KIAA0586: variants seen among roughly 807,000 people sequenced by gnomAD.
KIAA0586 encodes KIAA0586.
Under a neutral mutation model 169.8 loss-of-function variants are expected in KIAA0586, and 144 were observed. That is an observed-to-expected ratio of 0.85 (90% CI 0.74 to 0.97). KIAA0586 has a LOEUF of 0.97. KIAA0586 is among the 50% of genes least tolerant of loss of function. The pLI, the probability that KIAA0586 is intolerant of heterozygous loss-of-function variation, is 0.00. For missense variants in KIAA0586, 1,854 were observed against 1,823.0 expected (o/e 1.02, Z -0.31); for synonymous variants, 625 against 612.4 (o/e 1.02, Z -0.30).
intron 29 of KIAA0586, among the ~76,000 whole-genome samples, chr14:58,533,037 T>G (rs1418026279): frequency 6.6e-6 from 1 of 152,210 alleles, no homozygotes; most frequent in African/African-American, 2.4e-5. Context: ...AGGAGCACTT[T>G]TTTCTTGGGA....
intron 29 of KIAA0586, among the ~76,000 whole-genome samples, chr14:58,513,476 T>C (rs1172580640): frequency 6.6e-6 from 1 of 152,024 alleles, no homozygotes. Flanking sequence ...GAGGAAGTGC[T>C]CAAGATAGTA....
At chr14:58,499,345 C>T (rs376995542) in intron 27 of KIAA0586, among the ~76,000 whole-genome samples, 48 of 151,270 alleles carry the variant, frequency 3.2e-4, no homozygotes, top group Middle Eastern at 3.5e-3. Flanking sequence ...CTCTGCCTCC[C>T]GAGTTCACCC....
At chr14:58,472,058 A>G (rs1255646422) in intron 17 of KIAA0586, 141 bp from the exon 18 acceptor site, 8 of 400,698 alleles carry the variant, frequency 2.0e-5, no homozygotes, top group Non-Finnish European at 3.6e-5. Context: ...TACTAATTAA[A>G]TCAATTCTGA....
intron 18 of KIAA0586, among the ~76,000 whole-genome samples, chr14:58,473,307 A>G (rs2041365690): frequency 6.6e-6 from 1 of 152,152 alleles, no homozygotes; most frequent in Admixed American, 6.5e-5. Flanking sequence ...ATTGACCATA[A>G]GTTGATAATT....
At chr14:58,446,513 G>A (rs994439603) in intron 6 of KIAA0586, among the ~76,000 whole-genome samples, 2 of 151,288 alleles carry the variant, frequency 1.3e-5, no homozygotes, top group African/African-American at 4.9e-5. Flanking sequence ...AACAACAAAT[G>A]TATATATATG....
At chr14:58,501,160 A>G (rs2043542137) in intron 27 of KIAA0586, among the ~76,000 whole-genome samples, 1 of 152,250 alleles carries the variant, frequency 6.6e-6, no homozygotes, top group Non-Finnish European at 1.5e-5. Context: ...CAGAAATCAG[A>G]AAAGGAAAAG....
chr14:58,545,678 TAAG>T (rs2046935606), intron 30 of KIAA0586, among the ~76,000 whole-genome samples: 2 of 152,300 alleles, frequency 1.3e-5, no homozygotes, highest in South Asian at 4.1e-4. Flanking sequence ...TTGTAAAATA[TAAG>T]AATGTTTAAA....
intron 8 of KIAA0586, among the ~76,000 whole-genome samples, chr14:58,451,178 G>T (rs1447387088): frequency 2.6e-5 from 4 of 151,370 alleles, no homozygotes; most frequent in African/African-American, 9.7e-5. Context: ...TTTAGTAAAG[G>T]CGGGGTTTCA....
intron 8 of KIAA0586, among the ~76,000 whole-genome samples, chr14:58,451,001 T>C (rs1177722238): frequency 6.7e-6 from 1 of 149,262 alleles, no homozygotes; most frequent in Non-Finnish European, 1.5e-5. Context: ...TTTTTTTTTT[T>C]TTTCTGAGAC....
At chr14:58,449,534 C>G (rs2039178031) in intron 7 of KIAA0586, among the ~76,000 whole-genome samples, 1 of 151,856 alleles carries the variant, frequency 6.6e-6, no homozygotes, top group African/African-American at 2.4e-5. Flanking sequence ...GTTTCAAAAA[C>G]AAAAAAACAA....
chr14:58,450,677 G>C lies in KIAA0586; in HGVS notation c.1060G>C (p.Asp354His). ...RRFAPVPVSRDDELSKRENLL... is the reference protein window; with the variant it reads ...RRFAPVPVSRHDELSKRENLL... ...ATTTGCTCCTGTACCTGTTTCAAGG[G>C]ATGATGAACTATCAAAGAGGGAAAA... is the stretch of plus-strand genomic sequence containing the variant. Residue 354 changes from aspartate (D) to histidine (H), a missense_variant, in exon 8 of 31, where the codon GAT becomes CAT. Coordinates refer to ENST00000652326, the MANE Select transcript of KIAA0586 (RefSeq NM_001329943.3). 6.2e-7 allele frequency: 1 copy of C among 1,609,034 alleles called. No individual in the cohort carries two copies. The highest frequency in any genetic ancestry group is 1.3e-5 in the African/African-American group (1 of 74,924).
chr14:58,432,592 G>A, intron 4 of KIAA0586, 135 bp downstream of exon 4: 1 of 525,710 alleles, frequency 1.9e-6, no homozygotes, highest in East Asian at 3.4e-5. Context: ...TTCTCATGGT[G>A]CTAGACACGT....
intron 29 of KIAA0586, among the ~76,000 whole-genome samples, chr14:58,531,683 G>GTA (rs2045977969): frequency 6.6e-6 from 1 of 152,116 alleles, no homozygotes; most frequent in African/African-American, 2.4e-5. Context: ...CCTTTACTGG[G>GTA]TATATACCCA....
chr14:58,492,020 C>A (rs2042863535), intron 25 of KIAA0586, 124 bp from the exon 26 acceptor site: 3 of 692,792 alleles, frequency 4.3e-6, no homozygotes. Flanking sequence ...AAGAGTTCAT[C>A]TCCTTTCCAA....
At chr14:58,556,433 T>C in the KIAA0586 span, among the ~76,000 whole-genome samples, 9 of 152,242 alleles carry the variant, frequency 5.9e-5, no homozygotes, top group African/African-American at 2.2e-4. Context: ...ATAATTTATA[T>C]AGTGAAGTAC....
intron 27 of KIAA0586, 114 bp downstream of exon 27, chr14:58,499,074 T>G: frequency 3.3e-6 from 3 of 899,038 alleles, no homozygotes; most frequent in East Asian, 5.5e-5. Flanking sequence ...TTAAAAGGGA[T>G]TTTAATAATT....
At chr14:58,531,865 A>G (rs575243404) in intron 29 of KIAA0586, among the ~76,000 whole-genome samples, 25 of 152,308 alleles carry the variant, frequency 1.6e-4, no homozygotes, top group African/African-American at 5.3e-4. Flanking sequence ...GTGTATTATG[A>G]CTAGTTCATG....
At chr14:58,483,886 A>G (rs956969044) in intron 21 of KIAA0586, among the ~76,000 whole-genome samples, 4 of 152,152 alleles carry the variant, frequency 2.6e-5, no homozygotes, top group African/African-American at 9.7e-5. Flanking sequence ...TTATTTTTGT[A>G]GAGATTGTTG....
chr14:58,531,950 C>T (rs2045995281), intron 29 of KIAA0586, among the ~76,000 whole-genome samples: 1 of 152,074 alleles, frequency 6.6e-6, no homozygotes, highest in South Asian at 2.1e-4. Context: ...AAATCAAACA[C>T]CTCATGTTCT....
Sources: gnomAD v4.1 joint callset for allele counts (sites outside exome capture counted in the v4.1 genomes callset) on GRCh38, gnomAD v4.1.1 for gene constraint, MANE v1.5 for transcripts, NCBI Gene and HGNC (gene_info 2026-07-23, HGNC 2026-07-21) for gene names.